The following SCHIP1 variants were observed in gnomAD, a reference collection of about 807,000 sequenced individuals.
The protein encoded by SCHIP1 is schwannomin-interacting protein 1.
In SCHIP1, 8 loss-of-function variants were observed where a neutral mutation model predicts 29.7. The observed-to-expected ratio is 0.27, with a 90% CI of 0.16 to 0.49. The LOEUF is 0.49. SCHIP1 is among the 20% of genes least tolerant of loss of function. The pLI, the probability that SCHIP1 is intolerant of heterozygous loss-of-function variation, is 0.99. For missense variants in SCHIP1, 193 were observed against 294.6 expected (o/e 0.66, Z 2.52); for synonymous variants, 76 against 94.9 (o/e 0.80, Z 1.16).
chr3:159,764,433 C>A, the SCHIP1 span: 22 of 1,576,012 alleles, frequency 1.4e-5, no homozygotes, highest in Admixed American at 1.5e-4. This position sits in a 1 kb window ranked among gnomAD's most constrained non-coding sequence, Gnocchi z 6.1. Flanking sequence ...TCTCTACCTC[C>A]TCCCCCTAGG....
the SCHIP1 span, among the ~76,000 whole-genome samples, chr3:159,308,760 C>T: frequency 9.2e-5 from 14 of 152,272 alleles, 1 homozygote; most frequent in Non-Finnish European, 1.3e-4. Flanking sequence ...ATGGAATCAA[C>T]CCAGGTATGC....
the SCHIP1 span, among the ~76,000 whole-genome samples, chr3:159,284,827 A>AT: frequency 2.0e-5 from 3 of 151,804 alleles, no homozygotes; most frequent in East Asian, 5.8e-4. Context: ...TGTTCCATTT[A>AT]TTTTTTCTTC....
the SCHIP1 span, among the ~76,000 whole-genome samples, chr3:159,492,600 T>G: frequency 1.1e-4 from 16 of 152,072 alleles, no homozygotes; most frequent in Admixed American, 5.2e-4. Flanking sequence ...ATGGGACTAT[T>G]TGAAAAGACC....
At chr3:159,643,753 C>T in the SCHIP1 span, among the ~76,000 whole-genome samples, 8 of 151,944 alleles carry the variant, frequency 5.3e-5, no homozygotes, top group African/African-American at 1.9e-4. Flanking sequence ...TCCTATGATC[C>T]ACCTCAATAA....
At chr3:159,825,831 A>G in the SCHIP1 span, among the ~76,000 whole-genome samples, 4 of 152,308 alleles carry the variant, frequency 2.6e-5, no homozygotes, top group Admixed American at 1.3e-4. Context: ...ACAGGGGGCT[A>G]AGGAAAAACC....
At chr3:159,704,848 TA>T in the SCHIP1 span, among the ~76,000 whole-genome samples, 1 of 151,938 alleles carries the variant, frequency 6.6e-6, no homozygotes, top group African/African-American at 2.4e-5. Flanking sequence ...GCTTCTTTTT[TA>T]TTCCTTCCTT....
the SCHIP1 span, among the ~76,000 whole-genome samples, chr3:159,822,043 A>G: frequency 1.4e-4 from 21 of 152,244 alleles, no homozygotes; most frequent in African/African-American, 5.1e-4. Context: ...TTTAAATTTT[A>G]TAAATTGTTT....
At chr3:159,725,308 C>T in the SCHIP1 span, among the ~76,000 whole-genome samples, 1 of 148,774 alleles carries the variant, frequency 6.7e-6, no homozygotes, top group African/African-American at 2.5e-5. Context: ...CTCCCTCTGT[C>T]ACCTAGGTTG....
the SCHIP1 span, among the ~76,000 whole-genome samples, chr3:159,797,300 G>A: frequency 6.6e-6 from 1 of 152,272 alleles, no homozygotes; most frequent in African/African-American, 2.4e-5. Context: ...AGCTTATACA[G>A]TCACTTGTAA....
the SCHIP1 span, among the ~76,000 whole-genome samples, chr3:159,779,662 A>C: frequency 6.7e-6 from 1 of 150,344 alleles, no homozygotes; most frequent in Non-Finnish European, 1.5e-5. Flanking sequence ...GACTCCATGG[A>C]CTCCATCTCA....
the SCHIP1 span, among the ~76,000 whole-genome samples, chr3:159,471,259 CAAGAGGAT>C: frequency 6.6e-6 from 1 of 151,944 alleles, no homozygotes; most frequent in Non-Finnish European, 1.5e-5. Flanking sequence ...GGCTTATTTA[CAAGAGGAT>C]AAACAGATCA....
the SCHIP1 span, among the ~76,000 whole-genome samples, chr3:159,590,620 C>T: frequency 6.6e-6 from 1 of 152,004 alleles, no homozygotes; most frequent in African/African-American, 2.4e-5. Context: ...CTTACCTGCA[C>T]TCAACTCCAT....
the SCHIP1 span, among the ~76,000 whole-genome samples, chr3:159,468,777 A>ATATTTTT: frequency 7.9e-6 from 1 of 127,338 alleles, no homozygotes; most frequent in East Asian, 2.2e-4. Context: ...ATATATATAT[A>ATATTTTT]TTTTTTTTAG....
the SCHIP1 span, among the ~76,000 whole-genome samples, chr3:159,798,269 G>A: frequency 6.6e-6 from 1 of 152,166 alleles, no homozygotes; most frequent in African/African-American, 2.4e-5. Context: ...TGCTAGCCAT[G>A]TGACCTTGAG....
chr3:159,768,688 G>T, the SCHIP1 span: 1 of 152,310 alleles, frequency 6.6e-6, no homozygotes, highest in African/African-American at 2.4e-5. Flanking sequence ...AGGGCCTGGG[G>T]AGTCCTGATG....
At chr3:159,408,016 A>G in the SCHIP1 span, among the ~76,000 whole-genome samples, 1 of 152,178 alleles carries the variant, frequency 6.6e-6, no homozygotes, top group East Asian at 1.9e-4. Flanking sequence ...TAGAAAAAGA[A>G]TAATAAATAA....
At chr3:159,534,610 T>C in the SCHIP1 span, among the ~76,000 whole-genome samples, 2 of 151,930 alleles carry the variant, frequency 1.3e-5, no homozygotes, top group Non-Finnish European at 2.9e-5. Flanking sequence ...GATGTGTGGG[T>C]CCTGTGGCCA....
At chr3:159,463,209 G>T in the SCHIP1 span, among the ~76,000 whole-genome samples, 3 of 151,862 alleles carry the variant, frequency 2.0e-5, no homozygotes, top group Admixed American at 6.6e-5. Flanking sequence ...ATAGAATATT[G>T]TCAATTCAAA....
the SCHIP1 span, among the ~76,000 whole-genome samples, chr3:159,805,878 G>A: frequency 8.0e-5 from 12 of 149,290 alleles, 1 homozygote; most frequent in African/African-American, 2.2e-4. Flanking sequence ...GAGCGATCTC[G>A]GCTCACTGCA....
Sources: gnomAD v4.1 joint callset for allele counts (sites outside exome capture counted in the v4.1 genomes callset) on GRCh38, gnomAD v4.1.1 for gene constraint, Gnocchi (gnomAD v3.1) non-coding constraint, MANE v1.5 for transcripts, NCBI Gene and HGNC (gene_info 2026-07-23, HGNC 2026-07-21) for gene names.